Variants in NAALADL2 observed in about 807,000 individuals in gnomAD.
NAALADL2 encodes N-acetylated alpha-linked acidic dipeptidase like 2, also known as inactive N-acetylated-alpha-linked acidic dipeptidase-like protein 2.
In NAALADL2, 76 loss-of-function variants were observed where a neutral mutation model predicts 87.2. That is an observed-to-expected ratio of 0.87 (90% CI 0.72 to 1.05). The LOEUF (loss-of-function observed/expected upper bound fraction) is 1.05. NAALADL2 is among the 50% of genes least tolerant of loss of function. The pLI is 0.00. For missense variants in NAALADL2, 1,089 were observed against 945.8 expected (o/e 1.15, Z -1.99); for synonymous variants, 354 against 331.0 (o/e 1.07, Z -0.75).
At chr3:175,686,824 G>A (rs1194762209) in intron 11 of NAALADL2, among the ~76,000 whole-genome samples, 1 of 152,090 alleles carries the variant, frequency 6.6e-6, no homozygotes, top group Non-Finnish European at 1.5e-5. Flanking sequence ...GGAAGCCCAA[G>A]GTCAGGGAGA....
chr3:174,826,081 C>T (rs371635064), intron 3 of NAALADL2, among the ~76,000 whole-genome samples: 11 of 146,738 alleles, frequency 7.5e-5, no homozygotes, highest in African/African-American at 3.0e-4. Flanking sequence ...AACAATCAAA[C>T]AAAATCCAAG....
intron 1 of NAALADL2, among the ~76,000 whole-genome samples, chr3:175,012,350 T>C (rs2108811133): frequency 6.6e-6 from 1 of 152,022 alleles, no homozygotes; most frequent in Admixed American, 6.6e-5. Flanking sequence ...TTATTTTTAG[T>C]AGAGACGGAG....
chr3:175,755,658 T>C (rs1346085156), intron 13 of NAALADL2, among the ~76,000 whole-genome samples: 1 of 151,448 alleles, frequency 6.6e-6, no homozygotes, highest in Non-Finnish European at 1.5e-5. Context: ...TACATTAATT[T>C]CAATATGAGT....
intron 5 of NAALADL2, among the ~76,000 whole-genome samples, chr3:175,412,384 T>C (rs948504882): frequency 6.6e-6 from 1 of 152,230 alleles, no homozygotes; most frequent in Non-Finnish European, 1.5e-5. Flanking sequence ...AAATTGAACT[T>C]TACTGTAAAA....
At chr3:174,736,726 AGGCTTCAGGCCATCCT>A (rs1473929693) in intron 2 of NAALADL2, among the ~76,000 whole-genome samples, 2 of 152,088 alleles carry the variant, frequency 1.3e-5, no homozygotes, top group African/African-American at 2.4e-5. Context: ...CCCAGCCCCC[AGGCTTCAGGCCATCCT>A]GGCTTGAAGG....
At chr3:175,543,721 A>G (rs1712794020) in intron 9 of NAALADL2, among the ~76,000 whole-genome samples, 1 of 152,178 alleles carries the variant, frequency 6.6e-6, no homozygotes, top group South Asian at 2.1e-4. Flanking sequence ...TCCCTCCTAC[A>G]TTATGTGTGG....
chr3:175,054,557 C>G (rs1314888549), intron 1 of NAALADL2, among the ~76,000 whole-genome samples: 5 of 152,144 alleles, frequency 3.3e-5, no homozygotes, highest in Admixed American at 3.3e-4. Flanking sequence ...TGCTCATTTT[C>G]TAATTGTTCA....
At chr3:175,720,524 G>C (rs1179037263) in intron 11 of NAALADL2, among the ~76,000 whole-genome samples, 1 of 152,028 alleles carries the variant, frequency 6.6e-6, no homozygotes, top group Non-Finnish European at 1.5e-5. Flanking sequence ...TCCAGAATAA[G>C]AGACTGGGGG....
At chr3:175,430,299 G>A (rs1385747567) in intron 5 of NAALADL2, among the ~76,000 whole-genome samples, 2 of 151,720 alleles carry the variant, frequency 1.3e-5, no homozygotes, top group Admixed American at 1.3e-4. Flanking sequence ...ACGCATATGT[G>A]TATACATACA....
At chr3:175,110,956 G>A (rs1229358190) in intron 2 of NAALADL2, among the ~76,000 whole-genome samples, 1 of 151,618 alleles carries the variant, frequency 6.6e-6, no homozygotes, top group Non-Finnish European at 1.5e-5. Context: ...CCTGGAATAA[G>A]TGCACCTGGA....
intron 6 of NAALADL2, among the ~76,000 whole-genome samples, chr3:175,456,795 C>T (rs957227928): frequency 5.9e-5 from 9 of 152,114 alleles, no homozygotes; most frequent in African/African-American, 2.2e-4. Flanking sequence ...TTCCCAGTAA[C>T]ATCCTAAATT....
At chr3:174,631,617 G>A (rs1722123803) in intron 2 of NAALADL2, among the ~76,000 whole-genome samples, 2 of 152,156 alleles carry the variant, frequency 1.3e-5, no homozygotes, top group South Asian at 4.1e-4. Context: ...GACAAGACAA[G>A]AAATATAGAA....
intron 1 of NAALADL2, among the ~76,000 whole-genome samples, chr3:174,897,520 A>G (rs186848362): frequency 6.6e-6 from 1 of 152,280 alleles, no homozygotes; most frequent in Admixed American, 6.5e-5. Context: ...GCAATAACAA[A>G]TGCTGGCAAG....
chr3:175,653,339 A>G (rs1461858990), intron 11 of NAALADL2, among the ~76,000 whole-genome samples: 2 of 152,184 alleles, frequency 1.3e-5, no homozygotes, highest in East Asian at 3.9e-4. Context: ...AGAAGGGTCT[A>G]TGTCATAAAA....
intron 2 of NAALADL2, among the ~76,000 whole-genome samples, chr3:174,568,859 A>T (rs1043624519): frequency 6.6e-6 from 1 of 151,360 alleles, no homozygotes; most frequent in Admixed American, 6.6e-5. Context: ...TTTTTTAAGA[A>T]TATTTTAGAA....
chr3:174,573,707 C>T (rs113414929), intron 2 of NAALADL2, among the ~76,000 whole-genome samples: 69 of 152,132 alleles, frequency 4.5e-4, no homozygotes, highest in African/African-American at 1.5e-3. Context: ...GAAGGTGCCA[C>T]ACTTTTTTTA....
At chr3:175,686,332 G>C (rs886188418) in intron 11 of NAALADL2, among the ~76,000 whole-genome samples, 4 of 152,036 alleles carry the variant, frequency 2.6e-5, no homozygotes, top group Non-Finnish European at 5.9e-5. Flanking sequence ...GATACAGACC[G>C]TCTTTTAAAA....
chr3:175,443,022 T>G (rs2149208879), intron 5 of NAALADL2, among the ~76,000 whole-genome samples: 1 of 152,308 alleles, frequency 6.6e-6, no homozygotes, highest in East Asian at 1.9e-4. Context: ...TCAAAACCTC[T>G]TAATAATGTA....
chr3:175,242,013 C>T (rs1747004657), intron 3 of NAALADL2, among the ~76,000 whole-genome samples: 1 of 151,592 alleles, frequency 6.6e-6, no homozygotes, highest in East Asian at 2.0e-4. Context: ...AGGCACGCGC[C>T]CCCATGCCCA....
Sources: gnomAD v4.1 joint callset for allele counts (sites outside exome capture counted in the v4.1 genomes callset) on GRCh38, gnomAD v4.1.1 for gene constraint, MANE v1.5 for transcripts, NCBI Gene and HGNC (gene_info 2026-07-23, HGNC 2026-07-21) for gene names.